The following CCDC102A variants were observed in gnomAD, a reference collection of about 807,000 sequenced individuals.
CCDC102A encodes the protein coiled-coil domain-containing protein 102A.
CCDC102A carries 40 observed loss-of-function variants against 55.5 expected under a neutral mutation model. The ratio of observed to expected loss-of-function variants is 0.72; its 90% confidence interval spans 0.56 to 0.94. The LOEUF is 0.94. Ranked by LOEUF, CCDC102A falls within the 40% of genes least tolerant of loss-of-function variation. The pLI is 0.00. For synonymous variants in CCDC102A, 323 were observed against 339.0 expected (o/e 0.95, Z 0.52); for missense variants, 779 against 768.6 (o/e 1.01, Z -0.16).
In CCDC102A at chr16:57,528,741, G is replaced by T; in HGVS notation, c.437C>A (p.Ala146Glu). 1 of 1,171,682 alleles carries T rather than the reference G, an allele frequency of 8.5e-7. No homozygotes were observed. The highest frequency in any genetic ancestry group is 2.3e-5 in the South Asian group (1 of 43,418). The allele number at this position is 1,171,682 out of a possible 1,614,324, so 72.6% of individuals were successfully genotyped here. Residue 146 changes from alanine (A) to glutamate (E), a missense_variant, in exon 2 of 9, where the codon GCG becomes GAG. Physicochemically the swap from Ala to Glu is moderately radical, Grantham distance 107. Coordinates refer to ENST00000258214, the MANE Select transcript of CCDC102A (RefSeq NM_033212.4). ...LAGARRERQE[A>E]QGECEARGRE... ...GCCCCGTGCCTCGCACTCGCCCTGC[G>T]CCTCTTGGCGCTCGCGCCGTGCGCC...
chr16:57,516,239 C>T lies in CCDC102A; in HGVS notation c.1419+54G>A, dbSNP rs548823050. 620 of 1,563,484 alleles carry T rather than the reference C, an allele frequency of 4.0e-4. 2 individuals carry two copies. Among genetic ancestry groups the T allele is most frequent in the Non-Finnish European group, 5.2e-4 (596 of 1,151,368 alleles). ...AGAAGCCAGGATGGCCCTGCGGCCC[C>T]CACTCCTCCCTGGCCAAGGTCTGTT... is the stretch of plus-strand genomic sequence containing the variant. On this transcript the variant is annotated intron_variant, in intron 7 of 8. Coordinates refer to ENST00000258214, the MANE Select transcript of CCDC102A (RefSeq NM_033212.4). The surrounding 1 kb of genome is among the most constrained non-coding windows in gnomAD (Gnocchi z 4.4).
chr16:57,535,686 A>G (rs2032361171), intron 1 of CCDC102A, among the ~76,000 whole-genome samples: 1 of 141,586 alleles, frequency 7.1e-6, no homozygotes, highest in African/African-American at 2.6e-5. Context: ...CTTGTACAGC[A>G]GACATCCCGC....
At chr16:57,521,567 C>A (rs148389044) in intron 3 of CCDC102A, among the ~76,000 whole-genome samples, 11 of 152,344 alleles carry the variant, frequency 7.2e-5, no homozygotes, top group African/African-American at 2.6e-4. Context: ...CAAAGACCAC[C>A]CTGCTCCTGT....
chr16:57,522,677 T>C (rs1489875944), intron 3 of CCDC102A, among the ~76,000 whole-genome samples: 3 of 152,262 alleles, frequency 2.0e-5, no homozygotes, highest in Non-Finnish European at 2.9e-5. Context: ...CCTTTGTAGC[T>C]GTCCTGCGAG....
In CCDC102A at chr16:57,512,770, C is replaced by T; in HGVS notation, c.1624G>A (p.Asp542Asn). The T allele has an allele frequency of 6.2e-7, 1 of 1,614,178 alleles. No individual in the cohort carries two copies. Among genetic ancestry groups the T allele is most frequent in the Non-Finnish European group, 8.5e-7 (1 of 1,180,016 alleles). ...AEDGTSDLDE[D>N]EDLQIQVA is the part of the protein sequence containing the mutation. Reference sequence around the variant, plus strand: ...GCCACCTGGATTTGCAGGTCCTCGTCCTCGTCCAGGTCACTGGTTCCATCC... The same window carrying T: ...GCCACCTGGATTTGCAGGTCCTCGTTCTCGTCCAGGTCACTGGTTCCATCC... Residue 542 changes from aspartate to asparagine, a missense_variant, in exon 9 of 9, where the codon GAC (aspartate) becomes AAC (asparagine). Transcript: ENST00000258214.
At chr16:57,531,581 C>T (rs1249616982) in intron 1 of CCDC102A, among the ~76,000 whole-genome samples, 7 of 152,136 alleles carry the variant, frequency 4.6e-5, no homozygotes, top group African/African-American at 1.7e-4. Flanking sequence ...ACTCTGATGG[C>T]CCCTCCCTGT....
intron 1 of CCDC102A, among the ~76,000 whole-genome samples, chr16:57,533,806 C>T (rs905290288): frequency 2.0e-5 from 3 of 152,210 alleles, no homozygotes; most frequent in African/African-American, 4.8e-5. Flanking sequence ...GCAGCAGCAG[C>T]GCAGAGCATG....
Position 57,528,946 on chromosome 16 carries a change from G to GC in CCDC102A, c.231dup (p.Arg78AlafsTer37). The GC allele has an allele frequency of 7.2e-7, 1 of 1,384,862 alleles. No homozygotes were observed. The allele number at this position is 1,384,862 out of a possible 1,614,324, so 85.8% of individuals were successfully genotyped here. A position where few individuals can be genotyped will look rare whatever the true frequency, so the allele number is the denominator to read the frequency against. On this transcript the variant is annotated frameshift_variant, in exon 2 of 9. Coordinates refer to ENST00000258214, the MANE Select transcript of CCDC102A (RefSeq NM_033212.4). LOFTEE classifies it high-confidence loss of function. Reference sequence around the variant, plus strand: ...CGCGCCCGCGCCTCCTCCAGCTCCCGCAGCCGCAGCTCCTCGCGGCTCTCC... The same window carrying GC: ...CGCGCCCGCGCCTCCTCCAGCTCCCGCCAGCCGCAGCTCCTCGCGGCTCTCC...
At chr16:57,517,119 C>T (rs2031968963) in intron 6 of CCDC102A, among the ~76,000 whole-genome samples, 1 of 152,074 alleles carries the variant, frequency 6.6e-6, no homozygotes, top group South Asian at 2.1e-4. Context: ...ACAGCCTGCT[C>T]ACACTCCCCT....
chr16:57,515,213 T>A, intron 8 of CCDC102A, 128 bp downstream of exon 8: 1 of 684,366 alleles, frequency 1.5e-6, no homozygotes, highest in Admixed American at 2.1e-5. Context: ...GGGACAGGAT[T>A]CTGGCTCCAG....
At chr16:57,522,844 G>A (rs1238504138) in intron 3 of CCDC102A, among the ~76,000 whole-genome samples, 4 of 152,180 alleles carry the variant, frequency 2.6e-5, no homozygotes, top group African/African-American at 9.7e-5. Context: ...CTATGCCCAA[G>A]CACTCCCATA....
chr16:57,533,964 C>T (rs572958963), intron 1 of CCDC102A, among the ~76,000 whole-genome samples: 2 of 152,300 alleles, frequency 1.3e-5, no homozygotes, highest in South Asian at 4.1e-4. Flanking sequence ...CACGGTGGGA[C>T]CGGCCACCAC....
At position 57,516,275 on chromosome 16, in the gene CCDC102A, C is replaced by A; in HGVS notation, c.1419+18G>T. ...TGGCCAAGGTCTGTTGCTGCCCCTG[C>A]CCCTCTGTGGTCCTCACCTCGTCCT... On this transcript the variant is annotated intron_variant, in intron 7 of 8. Coordinates refer to ENST00000258214, the MANE Select transcript of CCDC102A (RefSeq NM_033212.4). The surrounding 1 kb of genome is among the most constrained non-coding windows in gnomAD (Gnocchi z 4.4). 3.1e-6 allele frequency: 5 copies of A among 1,599,488 alleles called. No individual in the cohort carries two copies. Among genetic ancestry groups the A allele is most frequent in the Non-Finnish European group, 4.2e-6 (5 of 1,177,906 alleles).
chr16:57,523,378 T>G (rs12923154), intron 3 of CCDC102A, among the ~76,000 whole-genome samples: 40,422 of 152,062 alleles, frequency 0.27, 5,944 homozygotes, highest in African/African-American at 0.39. Context: ...TCTGGCAGTT[T>G]GCTGGCCATC....
At chr16:57,513,146 T>C (rs964408259) in intron 8 of CCDC102A, among the ~76,000 whole-genome samples, 4 of 152,196 alleles carry the variant, frequency 2.6e-5, no homozygotes, top group Non-Finnish European at 1.5e-5. Flanking sequence ...CCAGAGCAGC[T>C]GGGCGGTTAG....
Position 57,520,930 on chromosome 16 carries a change from A to G in CCDC102A, c.921+138T>C, listed in dbSNP as rs1463970505. ...ACTCCAGCCTAGGTGACAGAGCAAG[A>G]CTCTGTCTCAAAAAAAAAAAAAAAA... is the stretch of plus-strand genomic sequence containing the variant. On this transcript the variant is annotated intron_variant, in intron 4 of 8. Coordinates refer to ENST00000258214, the MANE Select transcript of CCDC102A (RefSeq NM_033212.4). 32 of 634,064 alleles carry G rather than the reference A, an allele frequency of 5.0e-5. No homozygotes were observed. In the East Asian group the frequency reaches 8.8e-4, roughly 18 times the overall value. The allele number at this position is 634,064 out of a possible 1,614,324, so 39.3% of individuals were successfully genotyped here.
At chr16:57,515,865 G>A (rs1011680080) in intron 7 of CCDC102A, among the ~76,000 whole-genome samples, 2 of 151,156 alleles carry the variant, frequency 1.3e-5, no homozygotes, top group Admixed American at 6.6e-5. Context: ...CTATCTTCCC[G>A]TCAACCTGGC....
At chr16:57,530,029 T>C (rs1479092421) in intron 1 of CCDC102A, among the ~76,000 whole-genome samples, 3 of 152,228 alleles carry the variant, frequency 2.0e-5, no homozygotes, top group Non-Finnish European at 4.4e-5. Flanking sequence ...CCTCCATTTA[T>C]GGTATCTATG....
rs540553651 is a variant in CCDC102A, at chr16:57,512,513, T to TGCGCGC, written c.*222_*227dup. On this transcript the variant is annotated 3_prime_UTR_variant, in exon 9 of 9. Coordinates refer to ENST00000258214, the MANE Select transcript of CCDC102A (RefSeq NM_033212.4). ...AAATGGGTCCAAAGACTTCTGGGTG[T>TGCGCGC]GCGCGCGCGCGCGCGCGTGTGTGTA... 2,100 of 429,380 alleles carry TGCGCGC rather than the reference T, an allele frequency of 4.9e-3. 31 individuals are homozygous for TGCGCGC. The highest frequency in any genetic ancestry group is 0.039 in the African/African-American group (1,876 of 47,558). The allele number at this position is 429,380 out of a possible 1,614,324, so 26.6% of individuals were successfully genotyped here. A position where few individuals can be genotyped will look rare whatever the true frequency, so the allele number is the denominator to read the frequency against.
Sources: allele counts gnomAD v4.1 joint callset (sites outside exome capture counted in the v4.1 genomes callset), GRCh38; gene constraint gnomAD v4.1.1; non-coding constraint Gnocchi (gnomAD v3.1); transcripts MANE v1.5; gene names NCBI Gene and HGNC (gene_info 2026-07-23, HGNC 2026-07-21).